ZNF257: variants seen among roughly 807,000 people sequenced by gnomAD.
ZNF257 encodes zinc finger protein 257, also known as bone marrow zinc finger 4.
Under a neutral mutation model 11.9 loss-of-function variants are expected in ZNF257, and 12 were observed. The ratio of observed to expected loss-of-function variants is 1.01; its 90% CI spans 0.65 to 1.63. ZNF257 has a LOEUF of 1.63. Among genes scored for constraint, ZNF257 ranks in the 40% most tolerant of loss-of-function variants. The pLI, the probability that ZNF257 is intolerant of heterozygous loss-of-function variation, is 0.00. For synonymous variants in ZNF257, 183 were observed against 222.7 expected, an observed-to-expected ratio of 0.82 and a Z score of 1.59; for missense variants, 580 against 665.5, an observed-to-expected ratio of 0.87 and a Z score of 1.41.
At position 22,088,370 on chromosome 19, in the gene ZNF257, G is replaced by T. The variant is rs757908682; in HGVS notation, c.620G>T (p.Gly207Val). The T allele has an allele frequency of 6.2e-7, 1 of 1,613,754 alleles. No individual in the cohort carries two copies. The highest frequency in any genetic ancestry group is 1.3e-5 in the African/African-American group (1 of 75,006). The change falls in exon 4 of 4, where the codon GGC becomes GTC. Residue 207 changes from glycine (G) to valine (V), a missense_variant. Gly to Val is a moderately radical substitution (Grantham distance 109). Coordinates refer to ENST00000594947, the MANE Select transcript of ZNF257 (RefSeq NM_033468.4). The stretch of plus-strand genomic sequence containing the variant: ...AATTCCCACAAATGTGAAGAATGTG[G>T]CAAAGCCTTTAACCAGTCCTCAGCT... ...RENSHKCEEC[G>V]KAFNQSSALT...
intron 3 of ZNF257, among the ~76,000 whole-genome samples, chr19:22,074,037 T>A (rs1487895299): frequency 2.6e-5 from 4 of 152,124 alleles, no homozygotes; most frequent in Non-Finnish European, 5.9e-5. Flanking sequence ...TGAAAGATAG[T>A]TTGGAATTAT....
chr19:22,060,379 T>C (rs1784482340), intron 1 of ZNF257: 1 of 152,226 alleles, frequency 6.6e-6, no homozygotes, highest in African/African-American at 2.4e-5. Context: ...TTGTGGTTTT[T>C]GTTTGCATTT....
At chr19:22,053,786 G>A (rs1290220178) in intron 1 of ZNF257, among the ~76,000 whole-genome samples, 1 of 151,954 alleles carries the variant, frequency 6.6e-6, no homozygotes, top group African/African-American at 2.4e-5. Context: ...TTAGCGGGGC[G>A]TGGTAGTGCA....
intron 1 of ZNF257, among the ~76,000 whole-genome samples, chr19:22,054,372 C>T (rs78845399): frequency 2.6e-5 from 4 of 152,066 alleles, no homozygotes; most frequent in Non-Finnish European, 5.9e-5. Flanking sequence ...CGGCCTTTTC[C>T]GCTGAATTTT....
chr19:22,057,887 A>G (rs766439531), intron 1 of ZNF257, among the ~76,000 whole-genome samples: 1 of 152,050 alleles, frequency 6.6e-6, no homozygotes, highest in Non-Finnish European at 1.5e-5. Flanking sequence ...AGCCTCCTGA[A>G]TAGCTGGGAT....
intron 1 of ZNF257, among the ~76,000 whole-genome samples, chr19:22,069,970 T>G (rs1048167070): frequency 6.6e-6 from 1 of 152,150 alleles, no homozygotes; most frequent in East Asian, 1.9e-4. Context: ...CAGTTCCTAC[T>G]TGGGGGCTTT....
chr19:22,081,704 A>G (rs1015209015), intron 3 of ZNF257, among the ~76,000 whole-genome samples: 3 of 151,574 alleles, frequency 2.0e-5, no homozygotes, highest in Non-Finnish European at 4.4e-5. Flanking sequence ...GTTTTTTTGT[A>G]TTTTTTGTAG....
intron 3 of ZNF257, among the ~76,000 whole-genome samples, chr19:22,076,863 T>C (rs1199362453): frequency 1.3e-4 from 20 of 152,112 alleles, no homozygotes; most frequent in Non-Finnish European, 1.5e-5. Flanking sequence ...TAATTTTTGG[T>C]ATTTTTAGTA....
chr19:22,074,462 T>C (rs7255666), intron 3 of ZNF257: 99,803 of 151,892 alleles, frequency 0.66, 33,703 homozygotes, highest in South Asian at 0.83. Flanking sequence ...AGCGATTCTC[T>C]TGCCTCAGCC....
Position 22,090,002 on chromosome 19 carries a change from G to A in ZNF257, c.*560G>A, listed in dbSNP as rs1050053570. ...AAATGGTTTTCACACTTGATTGCAGGTAAAATAATTTATACCGGAGAAAAC... is the reference window on the plus strand; with the variant it reads ...AAATGGTTTTCACACTTGATTGCAGATAAAATAATTTATACCGGAGAAAAC... On this transcript the variant is annotated 3_prime_UTR_variant, in exon 4 of 4. Transcript: ENST00000594947. 1 of 154,096 alleles carries A rather than the reference G, an allele frequency of 6.5e-6. No individual in the cohort carries two copies. The highest frequency in any genetic ancestry group is 2.4e-5 in the African/African-American group (1 of 41,382). 9.5% of individuals were successfully genotyped at this position (154,096 alleles called of 1,614,324 possible).
rs1599659573 is a variant in ZNF257, at chr19:22,059,512, C to T, written c.3+6877C>T. ...ATGTTGGCCAGGCTGGTCTCGAACT[C>T]CTGACCTGAGGTGATCCACCCACCT... On this transcript the variant is annotated intron_variant, in intron 1 of 3. Coordinates refer to ENST00000594947, the MANE Select transcript of ZNF257 (RefSeq NM_033468.4). 2.0e-5 allele frequency among the ~76,000 whole-genome samples: 3 copies of T among 151,932 alleles called. No individual in the cohort carries two copies. The East Asian group carries it at 5.8e-4, about 29-fold the overall frequency.
Position 22,052,534 on chromosome 19 carries a change from G to A in ZNF257, c.-99G>A. 1.4e-6 allele frequency: 2 copies of A among 1,444,572 alleles called. No homozygotes were observed. Among genetic ancestry groups the A allele is most frequent in the Non-Finnish European group, 1.9e-6 (2 of 1,039,682 alleles). The allele number at this position is 1,444,572 out of a possible 1,614,324, so 89.5% of individuals were successfully genotyped here. On this transcript the variant is annotated 5_prime_UTR_variant, in exon 1 of 4. In the 5' UTR this introduces an upstream ATG that the reference lacks. Transcript: ENST00000594947. Reference sequence around the variant, plus strand: ...CTGCAGGTCTCGTCTTCCCTGGTCTGTGTCCTCTTCTCCTAGGGGCCCAGC... The same window carrying A: ...CTGCAGGTCTCGTCTTCCCTGGTCTATGTCCTCTTCTCCTAGGGGCCCAGC...
rs899197041 is a variant in ZNF257 at position 22,061,215 on chromosome 19, G to T, written c.3+8580G>T. On this transcript the variant is annotated intron_variant, in intron 1 of 3. Coordinates refer to ENST00000594947, the MANE Select transcript of ZNF257 (RefSeq NM_033468.4). The stretch of plus-strand genomic sequence containing the variant: ...TTAGATCTGTAGATTTCTTTGGGCA[G>T]TATGCCCATTTTAATGATATTGATC... Among the ~76,000 whole-genome samples, 41 of 152,160 alleles carry T rather than the reference G, an allele frequency of 2.7e-4. 1 individual carries two copies. Among genetic ancestry groups the T allele is most frequent in the African/African-American group, 9.7e-4 (40 of 41,450 alleles).
intron 1 of ZNF257, among the ~76,000 whole-genome samples, chr19:22,054,094 A>G (rs1371505270): frequency 1.3e-5 from 2 of 148,364 alleles, no homozygotes; most frequent in African/African-American, 2.5e-5. Context: ...TTTTTTTAAG[A>G]AGGAGTTTCA....
At chr19:22,084,150 A>C (rs959630461) in intron 3 of ZNF257, among the ~76,000 whole-genome samples, 3 of 151,956 alleles carry the variant, frequency 2.0e-5, no homozygotes, top group African/African-American at 7.3e-5. Context: ...CAAAAAAAAA[A>C]AAAAGAAAAC....
At chr19:22,054,563 AT>A (rs753489631) in intron 1 of ZNF257, among the ~76,000 whole-genome samples, 7 of 152,292 alleles carry the variant, frequency 4.6e-5, no homozygotes, top group Non-Finnish European at 7.4e-5. Context: ...TTTAGTTTAC[AT>A]TTTTTATACC....
intron 1 of ZNF257, among the ~76,000 whole-genome samples, chr19:22,062,673 G>A (rs1215929976): frequency 6.6e-6 from 1 of 151,974 alleles, no homozygotes; most frequent in East Asian, 1.9e-4. Context: ...GTAGAGATGG[G>A]GTTTCTCCAT....
intron 1 of ZNF257, chr19:22,064,198 G>C (rs2021881805): frequency 6.6e-6 from 1 of 151,818 alleles, no homozygotes; most frequent in Non-Finnish European, 1.5e-5. Flanking sequence ...GGCTGTTGTA[G>C]AAAAAAATAT....
chr19:22,071,435 A>T (rs1366517713), intron 1 of ZNF257, among the ~76,000 whole-genome samples: 1 of 151,898 alleles, frequency 6.6e-6, no homozygotes, highest in Admixed American at 6.6e-5. Flanking sequence ...TTGTGCAGAA[A>T]ATTTCATCTG....
Sources: allele counts gnomAD v4.1 joint callset (sites outside exome capture counted in the v4.1 genomes callset), GRCh38; gene constraint gnomAD v4.1.1; transcripts MANE v1.5; gene names NCBI Gene and HGNC (gene_info 2026-07-23, HGNC 2026-07-21).